Variants in HEPHL1 observed in about 807,000 individuals in gnomAD.
The protein encoded by HEPHL1 is ferroxidase HEPHL1.
A neutral mutation model predicts 122.0 loss-of-function variants in HEPHL1; 123 were observed. The ratio of observed to expected loss-of-function variants is 1.01; its 90% CI spans 0.87 to 1.17. HEPHL1 has a LOEUF of 1.17. Among genes scored for constraint, HEPHL1 ranks in the 50% most tolerant of loss-of-function variants. HEPHL1 has a pLI of 0.00. For missense variants in HEPHL1, 1,452 were observed against 1,430.5 expected, an observed-to-expected ratio of 1.01 and a Z score of -0.24; for synonymous variants, 527 against 508.9, an observed-to-expected ratio of 1.04 and a Z score of -0.48.
intron 14 of HEPHL1, among the ~76,000 whole-genome samples, chr11:94,101,552 A>C (rs1045458524): frequency 6.6e-6 from 1 of 152,148 alleles, no homozygotes; most frequent in African/African-American, 2.4e-5. Flanking sequence ...CATTGTCAAC[A>C]TCCCCCACCA....
intron 14 of HEPHL1, among the ~76,000 whole-genome samples, chr11:94,101,784 G>T (rs1218314822): frequency 6.6e-6 from 1 of 151,932 alleles, no homozygotes; most frequent in East Asian, 1.9e-4. Context: ...TTAACCCCTG[G>T]CAACCACTGA....
At chr11:94,086,310 T>C (rs1324666666) in intron 11 of HEPHL1, 121 bp downstream of exon 11, 25 of 696,836 alleles carry the variant, frequency 3.6e-5, no homozygotes, top group East Asian at 1.1e-4. Context: ...GAAATAGATA[T>C]AGTCTTGATT....
chr11:94,047,803 A>G (rs1304577042), intron 2 of HEPHL1, among the ~76,000 whole-genome samples: 2 of 152,180 alleles, frequency 1.3e-5, no homozygotes, highest in African/African-American at 4.8e-5. Flanking sequence ...CTGAAAAATC[A>G]TTTAGGCCAG....
chr11:94,082,317 G>A, intron 9 of HEPHL1, 101 bp from the exon 10 acceptor site: 2 of 819,444 alleles, frequency 2.4e-6, no homozygotes, highest in Non-Finnish European at 3.8e-6. Context: ...ATGTTGATCT[G>A]CCCTGACTTA....
At chr11:94,083,700 C>T (rs1471894897) in intron 10 of HEPHL1, among the ~76,000 whole-genome samples, 1 of 152,328 alleles carries the variant, frequency 6.6e-6, no homozygotes, top group Admixed American at 6.5e-5. Flanking sequence ...GTCACAGACC[C>T]TATGGTCCCA....
Position 94,067,668 on chromosome 11 carries a change from A to G in HEPHL1, c.981A>G (p.Pro327=), listed in dbSNP as rs369122858. 3.7e-6 allele frequency: 6 copies of G among 1,613,694 alleles called. No individual in the cohort carries two copies. Among genetic ancestry groups the G allele is most frequent in the Non-Finnish European group, 5.1e-6 (6 of 1,179,766 alleles). Residue 327 remains proline, a synonymous_variant, in exon 5 of 20, where the codon CCA becomes CCG. Transcript: ENST00000315765. The part of the protein sequence containing the change: ...GHRTDVVNLF[P]ATFLTTEMIA... Reference sequence around the variant, plus strand: ...GGACTGATGTCGTCAACCTGTTCCCAGCCACCTTCCTTACAACAGAAATGA... The same window carrying G: ...GGACTGATGTCGTCAACCTGTTCCCGGCCACCTTCCTTACAACAGAAATGA...
At chr11:94,026,570 T>C (rs1442673538) in intron 1 of HEPHL1, among the ~76,000 whole-genome samples, 1 of 152,218 alleles carries the variant, frequency 6.6e-6, no homozygotes, top group East Asian at 1.9e-4. Flanking sequence ...TAGCAGGATC[T>C]GAAAGATAAC....
intron 2 of HEPHL1, among the ~76,000 whole-genome samples, chr11:94,051,180 T>G (rs575056834): frequency 2.0e-5 from 3 of 152,120 alleles, no homozygotes; most frequent in Non-Finnish European, 4.4e-5. Flanking sequence ...CAGTGGGATT[T>G]CTGGATCACA....
intron 1 of HEPHL1, among the ~76,000 whole-genome samples, chr11:94,044,421 G>C (rs556150829): frequency 6.6e-6 from 1 of 152,132 alleles, no homozygotes; most frequent in East Asian, 1.9e-4. Flanking sequence ...GCCATAGAAG[G>C]GTCCTTGAAC....
intron 12 of HEPHL1, among the ~76,000 whole-genome samples, chr11:94,092,808 T>C (rs140403313): frequency 1.2e-4 from 19 of 152,276 alleles, no homozygotes; most frequent in Non-Finnish European, 2.8e-4. Flanking sequence ...AGGTTATATA[T>C]TGATCTGTTG....
At chr11:94,065,554 AT>A (rs1946026468) in intron 4 of HEPHL1, among the ~76,000 whole-genome samples, 1 of 152,090 alleles carries the variant, frequency 6.6e-6, no homozygotes, top group Non-Finnish European at 1.5e-5. Flanking sequence ...TTCTAGTGGT[AT>A]TTTGGCAACC....
chr11:94,093,981 TATATA>T (rs1946285136), intron 13 of HEPHL1, among the ~76,000 whole-genome samples: 1 of 74,608 alleles, frequency 1.3e-5, no homozygotes. Flanking sequence ...GATATATATA[TATATA>T]TATATATATA....
At position 94,052,740 on chromosome 11, in the gene HEPHL1, T is replaced by A. The variant is rs942941634; in HGVS notation, c.415+6823T>A. On this transcript the variant is annotated intron_variant, in intron 2 of 19. Transcript: ENST00000315765. The stretch of plus-strand genomic sequence containing the variant: ...GTATCCATTGAGATGGTCATGTGGC[T>A]TTTCTATATCTATTGAGATATATTG... Among the ~76,000 whole-genome samples the A allele has an allele frequency of 1.4e-4, 21 of 152,172 alleles. 1 individual carries two copies. The highest frequency in any genetic ancestry group is 2.9e-4 in the Non-Finnish European group (20 of 67,980).
chr11:94,096,832 G>A (rs1591486950), intron 13 of HEPHL1, among the ~76,000 whole-genome samples: 1 of 152,208 alleles, frequency 6.6e-6, no homozygotes, highest in South Asian at 2.1e-4. Flanking sequence ...TTCTCTGATG[G>A]TAGTTTGTAT....
chr11:94,024,808 A>G (rs1427055657), intron 1 of HEPHL1, among the ~76,000 whole-genome samples: 1 of 152,162 alleles, frequency 6.6e-6, no homozygotes, highest in Admixed American at 6.6e-5. Flanking sequence ...GATGATAGAT[A>G]AGAAGTTTTG....
chr11:94,098,694 T>G (rs1011187573), intron 13 of HEPHL1, among the ~76,000 whole-genome samples: 1 of 152,252 alleles, frequency 6.6e-6, no homozygotes, highest in African/African-American at 2.4e-5. Flanking sequence ...CTATATTTCT[T>G]GGAGGCTTTG....
intron 10 of HEPHL1, among the ~76,000 whole-genome samples, chr11:94,084,344 A>T (rs1182037276): frequency 7.3e-6 from 1 of 136,924 alleles, no homozygotes; most frequent in Non-Finnish European, 1.6e-5. Flanking sequence ...GTTTAAATAA[A>T]TAAATAAATA....
At chr11:94,071,651 G>T (rs1379872532) in intron 6 of HEPHL1, among the ~76,000 whole-genome samples, 1 of 152,148 alleles carries the variant, frequency 6.6e-6, no homozygotes. Context: ...GCAATAAAAT[G>T]CAGAGGAAGA....
intron 4 of HEPHL1, 113 bp from the exon 5 acceptor site, chr11:94,067,382 CA>C (rs1946042734): frequency 1.0e-6 from 1 of 966,254 alleles, no homozygotes; most frequent in African/African-American, 1.6e-5. Flanking sequence ...CAAAACCTTA[CA>C]ACCAATGGTC....
Sources: allele counts gnomAD v4.1 joint callset (sites outside exome capture counted in the v4.1 genomes callset), GRCh38; gene constraint gnomAD v4.1.1; transcripts MANE v1.5; gene names NCBI Gene and HGNC (gene_info 2026-07-23, HGNC 2026-07-21).